Variants in PRKAG2 observed in about 807,000 individuals in gnomAD.
The protein encoded by PRKAG2 is 5'-AMP-activated protein kinase subunit gamma-2.
A neutral mutation model predicts 69.6 loss-of-function variants in PRKAG2; 26 were observed. The ratio of observed to expected loss-of-function variants is 0.37; its 90% CI spans 0.27 to 0.52. PRKAG2 has a LOEUF of 0.52. Among genes scored for constraint, PRKAG2 ranks in the 20% least tolerant of loss-of-function variants. The probability of loss-of-function intolerance (pLI) is 0.90; values close to 1 mark genes in which losing one functional copy is unlikely to be tolerated. For missense variants in PRKAG2, 557 were observed against 740.0 expected, an observed-to-expected ratio of 0.75 and a Z score of 2.87; for synonymous variants, 293 against 285.0, an observed-to-expected ratio of 1.03 and a Z score of -0.28.
At chr7:151,792,892 C>G (rs533179346) in intron 1 of PRKAG2, among the ~76,000 whole-genome samples, 3 of 152,328 alleles carry the variant, frequency 2.0e-5, no homozygotes, top group South Asian at 2.1e-4. Flanking sequence ...CATATTCAAG[C>G]CCCCGTGTCC....
At chr7:151,805,636 A>G (rs991059890) in intron 1 of PRKAG2, among the ~76,000 whole-genome samples, 7 of 152,220 alleles carry the variant, frequency 4.6e-5, no homozygotes, top group African/African-American at 1.7e-4. Context: ...ATAGAACCAC[A>G]TATGAGTTAA....
rs368425714 is a variant in PRKAG2 at position 151,574,849 on chromosome 7, C to T, written c.1005+42G>A. 3.9e-5 allele frequency: 63 copies of T among 1,613,028 alleles called. No individual in the cohort carries two copies. The South Asian group carries it at 4.1e-4, about 10-fold the overall frequency. On this transcript the variant is annotated intron_variant, in intron 8 of 15. Transcript: ENST00000287878. Reference sequence around the variant, plus strand: ...ATATACCTACACACATACATAGATACGTACAGCTCCAACTACTGACATAGG... The same window carrying T: ...ATATACCTACACACATACATAGATATGTACAGCTCCAACTACTGACATAGG...
chr7:151,582,937 T>C (rs1016128177), intron 6 of PRKAG2, among the ~76,000 whole-genome samples: 1 of 152,240 alleles, frequency 6.6e-6, no homozygotes, highest in African/African-American at 2.4e-5. Flanking sequence ...ATGTTCAGTA[T>C]GGTGCTCAGC....
chr7:151,567,591 C>T lies in PRKAG2; in HGVS notation c.1233+1125G>A, dbSNP rs972431053. 6.6e-6 allele frequency among the ~76,000 whole-genome samples: 1 copy of T among 152,196 alleles called. No individual in the cohort carries two copies. The highest frequency in any genetic ancestry group is 2.4e-5 in the African/African-American group (1 of 41,448). Reference sequence around the variant, plus strand: ...GCGGCTGCATTCCCAGATGTCCAGTCTGATAAACAATGCGGATGCATCCCT... The same window carrying T: ...GCGGCTGCATTCCCAGATGTCCAGTTTGATAAACAATGCGGATGCATCCCT... On this transcript the variant is annotated intron_variant, in intron 11 of 15. Coordinates refer to ENST00000287878, the MANE Select transcript of PRKAG2 (RefSeq NM_016203.4). The surrounding 1 kb of genome is among the most constrained non-coding windows in gnomAD (Gnocchi z 4.2).
intron 3 of PRKAG2, among the ~76,000 whole-genome samples, chr7:151,735,363 T>C (rs1299232650): frequency 1.3e-5 from 2 of 152,098 alleles, no homozygotes; most frequent in African/African-American, 2.4e-5. Context: ...CTCCTGTACA[T>C]GGAGGAGCTG....
chr7:151,767,983 T>C (rs2075827371), intron 3 of PRKAG2, among the ~76,000 whole-genome samples: 1 of 152,134 alleles, frequency 6.6e-6, no homozygotes, highest in Admixed American at 6.5e-5. Context: ...CAAGGTGAGG[T>C]AGGGCAGGAG....
At chr7:151,665,501 T>A (rs1378923792) in intron 4 of PRKAG2, among the ~76,000 whole-genome samples, 1 of 151,960 alleles carries the variant, frequency 6.6e-6, no homozygotes, top group Non-Finnish European at 1.5e-5. Context: ...CCAATTATAA[T>A]ATTTTTTTGA....
chr7:151,585,216 G>C (rs529790207), intron 6 of PRKAG2, among the ~76,000 whole-genome samples: 2 of 152,288 alleles, frequency 1.3e-5, no homozygotes, highest in African/African-American at 4.8e-5. Context: ...TTCTGTTATA[G>C]AATTCTAGAC....
At chr7:151,745,456 A>G (rs1444735203) in intron 3 of PRKAG2, among the ~76,000 whole-genome samples, 1 of 152,152 alleles carries the variant, frequency 6.6e-6, no homozygotes, top group Admixed American at 6.6e-5. Context: ...ACCTCTGCGG[A>G]GCACCCTCTG....
intron 1 of PRKAG2, among the ~76,000 whole-genome samples, chr7:151,848,512 C>CTTTTTTTTTTTTTTTTTT (rs1158559692): frequency 1.6e-5 from 1 of 62,224 alleles, no homozygotes; most frequent in East Asian, 6.4e-4. Context: ...TACTGCATGT[C>CTTTTTTTTTTTTTTTTTT]TTTTTTTTTT....
At chr7:151,615,273 A>G (rs1350556771) in intron 5 of PRKAG2, among the ~76,000 whole-genome samples, 1 of 152,124 alleles carries the variant, frequency 6.6e-6, no homozygotes, top group East Asian at 1.9e-4. Flanking sequence ...TATCCAATCC[A>G]CCACTGATGG....
chr7:151,752,674 G>A (rs1016900590), intron 3 of PRKAG2, among the ~76,000 whole-genome samples: 3 of 152,184 alleles, frequency 2.0e-5, no homozygotes, highest in African/African-American at 7.2e-5. Context: ...AGAAAAACCT[G>A]TTCTTTAAAG....
At chr7:151,655,678 G>C (rs1255197165) in intron 4 of PRKAG2, among the ~76,000 whole-genome samples, 4 of 152,132 alleles carry the variant, frequency 2.6e-5, no homozygotes, top group Non-Finnish European at 5.9e-5. Flanking sequence ...TCAAGGATGG[G>C]ACTCATCTAA....
chr7:151,754,498 G>C (rs538821547), intron 3 of PRKAG2, among the ~76,000 whole-genome samples: 2 of 134,354 alleles, frequency 1.5e-5, no homozygotes, highest in East Asian at 4.0e-4. Context: ...CAGGGTGCCC[G>C]CGTTGGCTGG....
At chr7:151,857,646 G>A (rs1417134697) in intron 1 of PRKAG2, among the ~76,000 whole-genome samples, 1 of 152,160 alleles carries the variant, frequency 6.6e-6, no homozygotes, top group Non-Finnish European at 1.5e-5. Flanking sequence ...TGTAGAATGG[G>A]GACAATAGCA....
At chr7:151,819,819 C>T (rs1029788115) in intron 1 of PRKAG2, among the ~76,000 whole-genome samples, 5 of 152,182 alleles carry the variant, frequency 3.3e-5, no homozygotes, top group Non-Finnish European at 7.3e-5. Flanking sequence ...AAAGAAGTGC[C>T]GTGTGTACTG....
chr7:151,807,682 C>T lies in PRKAG2; in HGVS notation c.115-21141G>A. 2.2e-6 allele frequency: 1 copy of T among 446,484 alleles called. No homozygotes were observed. 27.7% of individuals were successfully genotyped at this position (446,484 alleles called of 1,614,324 possible). ...TGTCCCAAACCTACACAACCGTTTC[C>T]ACTGCCTATTCCCGGGCCCCTCACT... On this transcript the variant is annotated intron_variant, in intron 1 of 15. Coordinates refer to ENST00000287878, the MANE Select transcript of PRKAG2 (RefSeq NM_016203.4). The surrounding 1 kb of genome is among the most constrained non-coding windows in gnomAD (Gnocchi z 4.4).
intron 15 of PRKAG2, chr7:151,559,454 G>C (rs1286865629): frequency 3.5e-5 from 34 of 985,122 alleles, no homozygotes; most frequent in Non-Finnish European, 4.1e-5. Flanking sequence ...TGATTCAGTG[G>C]ATATGGGACG....
In PRKAG2 at chr7:151,826,191, G is replaced by T. The variant is rs1386757665; in HGVS notation, c.115-39650C>A. On this transcript the variant is annotated intron_variant, in intron 1 of 15. Transcript: ENST00000287878. ...CAGTTCCACTTTTTTTTTTGTTGTT[G>T]TTTTTTTTTGACAGAGTCTTGCTCT... 7.1e-4 allele frequency among the ~76,000 whole-genome samples: 106 copies of T among 149,760 alleles called. No individual in the cohort carries two copies. The South Asian group carries it at 0.013, about 18-fold the overall frequency.
Sources: gnomAD v4.1 joint callset for allele counts (sites outside exome capture counted in the v4.1 genomes callset) on GRCh38, gnomAD v4.1.1 for gene constraint, Gnocchi (gnomAD v3.1) non-coding constraint, MANE v1.5 for transcripts, NCBI Gene and HGNC (gene_info 2026-07-23, HGNC 2026-07-21) for gene names.